Variants in STK4 observed in about 807,000 individuals in gnomAD.
The protein encoded by STK4 is serine/threonine-protein kinase 4.
In STK4, 30 loss-of-function variants were observed where a neutral mutation model predicts 64.9. The observed-to-expected ratio is 0.46, with a 90% CI of 0.35 to 0.63. The LOEUF (loss-of-function observed/expected upper bound fraction) is 0.63. Ranked by LOEUF, STK4 falls within the 20% of genes least tolerant of loss-of-function variation. The pLI is 0.01. For missense variants in STK4, 466 were observed against 598.5 expected (o/e 0.78, Z 2.31); for synonymous variants, 177 against 199.0 (o/e 0.89, Z 0.93).
chr20:44,991,704 C>G (rs2067637348), intron 5 of STK4, among the ~76,000 whole-genome samples: 2 of 151,890 alleles, frequency 1.3e-5, no homozygotes, highest in South Asian at 4.1e-4. Context: ...GCTCTGTCAC[C>G]CAGCCTGGAG....
chr20:45,011,730 T>TATATATATATATATATATATATATATC (rs1555813605), intron 9 of STK4, among the ~76,000 whole-genome samples: 1 of 83,636 alleles, frequency 1.2e-5, no homozygotes, highest in Non-Finnish European at 2.3e-5. Flanking sequence ...TATATATATA[T>TATATATATATATATATATATATATATC]TTTTTTTTTT....
chr20:44,988,651 C>T (rs953196090), intron 5 of STK4, among the ~76,000 whole-genome samples: 1 of 149,656 alleles, frequency 6.7e-6, no homozygotes, highest in African/African-American at 2.5e-5. Flanking sequence ...TAATGCCTGC[C>T]TTGGCAGAAT....
intron 10 of STK4, among the ~76,000 whole-genome samples, chr20:45,071,605 C>G (rs1338803627): frequency 1.3e-5 from 2 of 152,026 alleles, no homozygotes; most frequent in Non-Finnish European, 2.9e-5. Flanking sequence ...ACAAAACTGC[C>G]TAGAAATTGG....
intron 10 of STK4, 76 bp from the exon 11 acceptor site, chr20:45,074,942 G>T: frequency 6.4e-7 from 1 of 1,569,360 alleles, no homozygotes; most frequent in Non-Finnish European, 8.7e-7. Context: ...CTGGGTGCCT[G>T]GGAAGGCTGG....
intron 9 of STK4, among the ~76,000 whole-genome samples, chr20:45,006,257 T>C (rs544800832): frequency 2.7e-5 from 4 of 150,832 alleles, no homozygotes; most frequent in Non-Finnish European, 5.9e-5. Context: ...TCGGATGTAT[T>C]TATTTATTTA....
At chr20:45,074,260 A>ACTCT (rs1295981986) in intron 10 of STK4, among the ~76,000 whole-genome samples, 2 of 152,214 alleles carry the variant, frequency 1.3e-5, no homozygotes, top group Admixed American at 1.3e-4. Flanking sequence ...CCATATATGT[A>ACTCT]AAGCACTCAG....
chr20:44,994,817 A>T (rs1237763276), intron 5 of STK4, among the ~76,000 whole-genome samples: 5 of 152,176 alleles, frequency 3.3e-5, no homozygotes, highest in African/African-American at 2.4e-5. Context: ...TTAATTTAAA[A>T]TTTTTTGTCA....
intron 2 of STK4, chr20:44,972,614 C>A (rs2067267887): frequency 6.6e-6 from 1 of 152,648 alleles, no homozygotes; most frequent in African/African-American, 2.4e-5. Flanking sequence ...GGGTTGGGAG[C>A]CAGTGGATTT....
intron 10 of STK4, among the ~76,000 whole-genome samples, chr20:45,035,494 A>T (rs1385847347): frequency 6.6e-6 from 1 of 152,094 alleles, no homozygotes; most frequent in African/African-American, 2.4e-5. Context: ...TTTTAGAGTA[A>T]ATTTCCTATT....
chr20:45,045,158 G>A (rs984948619), intron 10 of STK4, among the ~76,000 whole-genome samples: 40 of 152,200 alleles, frequency 2.6e-4, no homozygotes, highest in African/African-American at 8.7e-4. Flanking sequence ...GTATGACTCC[G>A]TTTGCTGATG....
At chr20:44,971,819 C>T (rs1356450879) in intron 1 of STK4, among the ~76,000 whole-genome samples, 1 of 151,818 alleles carries the variant, frequency 6.6e-6, no homozygotes, top group African/African-American at 2.4e-5. Context: ...TACAGGCATG[C>T]GTTACCACGC....
At chr20:44,972,436 A>G (rs1312035890) in intron 2 of STK4, 9 of 253,558 alleles carry the variant, frequency 3.5e-5, no homozygotes, top group Non-Finnish European at 7.4e-6. Flanking sequence ...TTAAAATTCT[A>G]TAAGAAACTT....
chr20:44,995,969 C>T (rs2067723072), intron 6 of STK4, among the ~76,000 whole-genome samples: 1 of 152,112 alleles, frequency 6.6e-6, no homozygotes, highest in Admixed American at 6.6e-5. Context: ...TCCATGATTC[C>T]CTGTTGTGTC....
chr20:44,988,533 G>GTATATATATGTGTGTGTGTA (rs2067574414), intron 5 of STK4, among the ~76,000 whole-genome samples: 1 of 101,576 alleles, frequency 9.8e-6, no homozygotes, highest in Non-Finnish European at 1.8e-5. Context: ...ATGTGTGTGT[G>GTATATATATGTGTGTGTGTA]TATATATATA....
intron 10 of STK4, among the ~76,000 whole-genome samples, chr20:45,026,161 G>C (rs1033428090): frequency 8.4e-6 from 1 of 119,714 alleles, no homozygotes; most frequent in Non-Finnish European, 1.7e-5. Flanking sequence ...TCATGTGTTT[G>C]ACACTATTCT....
chr20:45,064,876 A>G (rs980684191), intron 10 of STK4, among the ~76,000 whole-genome samples: 5 of 152,206 alleles, frequency 3.3e-5, no homozygotes, highest in African/African-American at 9.7e-5. Context: ...TTTTCTATGT[A>G]TAGAATTATA....
chr20:45,033,340 C>T (rs913885102), intron 10 of STK4, among the ~76,000 whole-genome samples: 1 of 152,164 alleles, frequency 6.6e-6, no homozygotes, highest in African/African-American at 2.4e-5. Context: ...ATCATGAAAT[C>T]TTCGCCAGGT....
At chr20:45,002,137 C>T (rs948945046) in intron 9 of STK4, among the ~76,000 whole-genome samples, 1 of 152,120 alleles carries the variant, frequency 6.6e-6, no homozygotes, top group South Asian at 2.1e-4. Flanking sequence ...CTACTGACCT[C>T]TAGTTATTTT....
chr20:45,060,407 A>C (rs1978887892), intron 10 of STK4, among the ~76,000 whole-genome samples: 1 of 152,200 alleles, frequency 6.6e-6, no homozygotes, highest in Admixed American at 6.5e-5. Flanking sequence ...CCTTTCCCTG[A>C]TTTAGAATGA....
Sources: gnomAD v4.1 joint callset for allele counts (sites outside exome capture counted in the v4.1 genomes callset) on GRCh38, gnomAD v4.1.1 for gene constraint, MANE v1.5 for transcripts, NCBI Gene and HGNC (gene_info 2026-07-23, HGNC 2026-07-21) for gene names.